The following CLIP1 variants were observed in gnomAD, a reference collection of about 807,000 sequenced individuals.
CLIP1 encodes CAP-Gly domain containing linker protein 1, also known as CAP-Gly domain-containing linker protein 1.
Under a neutral mutation model 161.6 loss-of-function variants are expected in CLIP1, and 66 were observed. That is an observed-to-expected ratio of 0.41 (90% CI 0.33 to 0.50). CLIP1 has a LOEUF of 0.50. Ranked by LOEUF, CLIP1 falls within the 20% of genes least tolerant of loss-of-function variation. The pLI is 0.27. For synonymous variants in CLIP1, 598 were observed against 626.2 expected (o/e 0.96, Z 0.67); for missense variants, 1,376 against 1,702.0 (o/e 0.81, Z 3.37).
intron 1 of CLIP1, among the ~76,000 whole-genome samples, chr12:122,406,623 T>C (rs1215593341): frequency 6.6e-6 from 1 of 152,150 alleles, no homozygotes; most frequent in Non-Finnish European, 1.5e-5. Flanking sequence ...AGAGTAGACA[T>C]ACCCCTTTGA....
At chr12:122,373,588 T>A (rs1438367315) in intron 3 of CLIP1, among the ~76,000 whole-genome samples, 1 of 151,840 alleles carries the variant, frequency 6.6e-6, no homozygotes, top group Non-Finnish European at 1.5e-5. Flanking sequence ...AAATAAAGGC[T>A]TTTTGGATTG....
intron 20 of CLIP1, among the ~76,000 whole-genome samples, chr12:122,292,149 G>A (rs189895185): frequency 3.4e-4 from 51 of 151,586 alleles, no homozygotes; most frequent in African/African-American, 1.1e-3. Flanking sequence ...GTGTCACCAC[G>A]CCAGGCTAAT....
intron 20 of CLIP1, among the ~76,000 whole-genome samples, chr12:122,298,996 CG>C (rs1489159506): frequency 1.3e-5 from 2 of 152,028 alleles, no homozygotes; most frequent in East Asian, 3.9e-4. Context: ...GGCTACAGGG[CG>C]GGGGTATCGT....
chr12:122,345,718 C>T (rs1952715814), intron 10 of CLIP1, among the ~76,000 whole-genome samples: 1 of 151,834 alleles, frequency 6.6e-6, no homozygotes, highest in African/African-American at 2.4e-5. Context: ...AATTTAGTCA[C>T]TGACAGACAA....
At chr12:122,296,990 T>C (rs961982569) in intron 20 of CLIP1, among the ~76,000 whole-genome samples, 16 of 152,036 alleles carry the variant, frequency 1.1e-4, no homozygotes, top group Non-Finnish European at 1.5e-5. Flanking sequence ...ATTGTACTGC[T>C]CACTCTGCTT....
At chr12:122,404,941 T>G (rs1308266004) in intron 1 of CLIP1, among the ~76,000 whole-genome samples, 2 of 150,566 alleles carry the variant, frequency 1.3e-5, no homozygotes, top group East Asian at 3.9e-4. Context: ...CATGGTGCCA[T>G]GTGTTCACAC....
chr12:122,278,357 T>C lies in CLIP1; in HGVS notation c.3917-154A>G, dbSNP rs183775796. On this transcript the variant is annotated intron_variant, in intron 23 of 25. Transcript: ENST00000620786. The stretch of plus-strand genomic sequence containing the variant: ...CCACTTTCAGCACATGTGGATGAGT[T>C]TGTGTCCCCTTGCGGGACCCTACAG... The C allele has an allele frequency of 5.7e-5, 41 of 714,870 alleles. No individual in the cohort carries two copies. The African/African-American group carries it at 6.7e-4, about 12-fold the overall frequency. The allele number at this position is 714,870 out of a possible 1,614,324, so 44.3% of individuals were successfully genotyped here. A position where few individuals can be genotyped will look rare whatever the true frequency, so the allele number is the denominator to read the frequency against.
At chr12:122,387,569 TATATATATATATATA>T (rs1566209305) in intron 1 of CLIP1, among the ~76,000 whole-genome samples, 13 of 7,802 alleles carry the variant, frequency 1.7e-3, no homozygotes, top group Non-Finnish European at 3.3e-3. Context: ...TATATATATA[TATATATATATATATA>T]TATATATTTT....
intron 5 of CLIP1, among the ~76,000 whole-genome samples, chr12:122,356,491 G>A (rs935911877): frequency 1.3e-5 from 2 of 152,168 alleles, no homozygotes; most frequent in Non-Finnish European, 2.9e-5. Flanking sequence ...AGGAAATGAG[G>A]TTGGTGATGA....
intron 23 of CLIP1, chr12:122,278,425 A>G (rs970057627): frequency 1.0e-5 from 6 of 578,022 alleles, no homozygotes; most frequent in Non-Finnish European, 1.8e-5. Context: ...GCTCTCCCTC[A>G]GGCCTGCTAA....
intron 1 of CLIP1, among the ~76,000 whole-genome samples, chr12:122,380,844 G>A (rs2136838510): frequency 6.6e-6 from 1 of 152,116 alleles, no homozygotes; most frequent in South Asian, 2.1e-4. Flanking sequence ...GACTGTTTGA[G>A]GCCAGGAGTT....
chr12:122,394,275 A>C (rs550787605), intron 1 of CLIP1, among the ~76,000 whole-genome samples: 49 of 152,008 alleles, frequency 3.2e-4, no homozygotes, highest in African/African-American at 1.2e-3. Flanking sequence ...GGATCACTTG[A>C]GGTGAGTTTG....
chr12:122,399,339 A>C (rs1448681617), intron 1 of CLIP1: 1 of 152,206 alleles, frequency 6.6e-6, no homozygotes, highest in Non-Finnish European at 1.5e-5. Flanking sequence ...CTGTAAGCAA[A>C]AGGTCAAGGA....
intron 5 of CLIP1, among the ~76,000 whole-genome samples, chr12:122,356,377 T>G (rs1450146134): frequency 6.6e-6 from 1 of 152,220 alleles, no homozygotes; most frequent in Non-Finnish European, 1.5e-5. Context: ...TCAGTCTCAT[T>G]AGATTGTCCT....
chr12:122,312,176 T>A (rs1042689589), intron 19 of CLIP1, among the ~76,000 whole-genome samples: 1 of 152,256 alleles, frequency 6.6e-6, no homozygotes, highest in Admixed American at 6.5e-5. Context: ...ATTTTACTTA[T>A]GAATCCATCA....
chr12:122,278,522 C>A (rs192978272), intron 23 of CLIP1: 110 of 538,658 alleles, frequency 2.0e-4, no homozygotes, highest in Non-Finnish European at 1.6e-5. Context: ...TCTTCTCCTG[C>A]ACTGTTATGT....
Position 122,367,919 on chromosome 12 carries a change from A to G in CLIP1, c.658-3812T>C, listed in dbSNP as rs568300356. ...TGTGATCCCAGCTACTGAGGCTGCAAGTGAGCTATGATCATGACACTGCAC... is the reference window on the plus strand; with the variant it reads ...TGTGATCCCAGCTACTGAGGCTGCAGGTGAGCTATGATCATGACACTGCAC... On this transcript the variant is annotated intron_variant, in intron 3 of 25. Transcript: ENST00000620786. Among the ~76,000 whole-genome samples, 4 of 152,240 alleles carry G rather than the reference A, an allele frequency of 2.6e-5. No individual in the cohort carries two copies. The East Asian group carries it at 7.7e-4, about 29-fold the overall frequency.
At chr12:122,327,814 G>C (rs1319933121) in intron 17 of CLIP1, 133 bp downstream of exon 17, 1 of 695,788 alleles carries the variant, frequency 1.4e-6, no homozygotes, top group East Asian at 2.6e-5. Context: ...ACCCTGCCAC[G>C]CACTCAGAAG....
At chr12:122,356,039 C>G (rs1000580370) in intron 5 of CLIP1, 1 of 152,214 alleles carries the variant, frequency 6.6e-6, no homozygotes, top group African/African-American at 2.4e-5. Context: ...CAGCGAGGAT[C>G]TTTCCTCAAT....
Sources: gnomAD v4.1 joint callset for allele counts (sites outside exome capture counted in the v4.1 genomes callset) on GRCh38, gnomAD v4.1.1 for gene constraint, MANE v1.5 for transcripts, NCBI Gene and HGNC (gene_info 2026-07-23, HGNC 2026-07-21) for gene names.